Variants in PPARG observed in about 807,000 individuals in gnomAD.
PPARG encodes peroxisome proliferator-activated receptor gamma.
PPARG carries 17 observed loss-of-function variants against 39.2 expected under a neutral mutation model. The observed-to-expected ratio is 0.43, with a 90% CI of 0.30 to 0.65. PPARG has a LOEUF of 0.65. Ranked by LOEUF, PPARG falls within the 30% of genes least tolerant of loss-of-function variation. PPARG has a pLI of 0.13. For missense variants in PPARG, 406 were observed against 585.9 expected, an observed-to-expected ratio of 0.69 and a Z score of 3.17; for synonymous variants, 223 against 215.7, an observed-to-expected ratio of 1.03 and a Z score of -0.30.
At chr3:12,419,038 G>A (rs1192718408) in intron 7 of PPARG, among the ~76,000 whole-genome samples, 6 of 151,950 alleles carry the variant, frequency 3.9e-5, no homozygotes, top group African/African-American at 9.7e-5. Context: ...TCCACCTCCC[G>A]GGTTCAAGGG....
chr3:12,330,302 T>TAA (rs67976990), intron 2 of PPARG, among the ~76,000 whole-genome samples: 1,217 of 121,038 alleles, frequency 0.01, 10 homozygotes, highest in South Asian at 0.019. Flanking sequence ...CACCTTTTTT[T>TAA]AAAAAAAAAA....
intron 1 of PPARG, among the ~76,000 whole-genome samples, chr3:12,299,111 A>C (rs1230969760): frequency 6.6e-6 from 1 of 152,204 alleles, no homozygotes; most frequent in East Asian, 1.9e-4. Flanking sequence ...CTGGGATTAT[A>C]GGTGTGAGCC....
intron 2 of PPARG, among the ~76,000 whole-genome samples, chr3:12,325,133 A>G (rs1391618446): frequency 6.6e-6 from 1 of 152,012 alleles, no homozygotes; most frequent in African/African-American, 2.4e-5. Context: ...CTAAAAATAC[A>G]AAACATTGTC....
rs117066945 is a variant in PPARG at position 12,410,868 on chromosome 3, G to A, written c.729+4787G>A. ...AATCCTACACTTACAGCTAAACAAC[G>A]TATGGGTTCTTTTCCCTTTATCTCT... On this transcript the variant is annotated intron_variant, in intron 6 of 7. Coordinates refer to ENST00000651735, the MANE Select transcript of PPARG (RefSeq NM_138711.6). 3.0e-3 allele frequency among the ~76,000 whole-genome samples: 459 copies of A among 152,280 alleles called. 15 individuals are homozygous for A. In the East Asian group the frequency reaches 0.078, roughly 26 times the overall value.
intron 2 of PPARG, among the ~76,000 whole-genome samples, chr3:12,330,813 T>C (rs2047837499): frequency 6.6e-6 from 1 of 152,196 alleles, no homozygotes; most frequent in Non-Finnish European, 1.5e-5. Context: ...TTTCTCAGAA[T>C]GATGAGAAAT....
At chr3:12,295,180 C>G (rs2046748163) in intron 1 of PPARG, among the ~76,000 whole-genome samples, 1 of 152,166 alleles carries the variant, frequency 6.6e-6, no homozygotes, top group Non-Finnish European at 1.5e-5. Context: ...GAATGTTATC[C>G]TTTCCGTCAG....
intron 7 of PPARG, among the ~76,000 whole-genome samples, chr3:12,423,615 G>C (rs1432535049): frequency 1.3e-5 from 2 of 152,206 alleles, no homozygotes; most frequent in Non-Finnish European, 2.9e-5. Context: ...TCATCTGCTA[G>C]CATCTACATT....
At chr3:12,424,761 C>T (rs1203622192) in intron 7 of PPARG, among the ~76,000 whole-genome samples, 1 of 152,130 alleles carries the variant, frequency 6.6e-6, no homozygotes, top group Non-Finnish European at 1.5e-5. Flanking sequence ...CATTGCAAAG[C>T]CCTGGAATCA....
At chr3:12,386,062 C>T (rs976226858) in intron 4 of PPARG, among the ~76,000 whole-genome samples, 1 of 152,134 alleles carries the variant, frequency 6.6e-6, no homozygotes, top group Non-Finnish European at 1.5e-5. Context: ...CTCTAACACA[C>T]CACATCACAG....
At chr3:12,392,517 CTTTTCTGATT>C in intron 4 of PPARG, 87 bp from the exon 5 acceptor site, 1 of 1,428,974 alleles carries the variant, frequency 7.0e-7, no homozygotes, top group Middle Eastern at 1.7e-4. Context: ...AAGAACCTGC[CTTTTCTGATT>C]CCCAGGCCAG....
At chr3:12,306,543 T>G (rs1451949218) in intron 1 of PPARG, among the ~76,000 whole-genome samples, 1 of 152,216 alleles carries the variant, frequency 6.6e-6, no homozygotes, top group Non-Finnish European at 1.5e-5. Flanking sequence ...TGCAAGTATT[T>G]GGCCTTCCAG....
At chr3:12,366,022 C>T (rs1273143530) in intron 2 of PPARG, among the ~76,000 whole-genome samples, 1 of 152,074 alleles carries the variant, frequency 6.6e-6, no homozygotes, top group Non-Finnish European at 1.5e-5. Context: ...ACTGAGTCTT[C>T]CTATCCATGA....
At chr3:12,337,164 C>T (rs1254178474) in intron 2 of PPARG, among the ~76,000 whole-genome samples, 1 of 152,104 alleles carries the variant, frequency 6.6e-6, no homozygotes, top group Non-Finnish European at 1.5e-5. Context: ...TTAATTTGTG[C>T]CAACCAATAG....
intron 5 of PPARG, among the ~76,000 whole-genome samples, chr3:12,397,162 A>G (rs2050292661): frequency 6.6e-6 from 1 of 151,914 alleles, no homozygotes; most frequent in Admixed American, 6.6e-5. Flanking sequence ...TAAATGAGAG[A>G]GAGTTTGTAA....
chr3:12,324,543 A>G (rs1219517946), intron 2 of PPARG, among the ~76,000 whole-genome samples: 2 of 152,180 alleles, frequency 1.3e-5, no homozygotes, highest in Non-Finnish European at 1.5e-5. Flanking sequence ...TTCCCTCTTC[A>G]GGCCTCAGTT....
At chr3:12,362,392 C>T (rs889914535) in intron 2 of PPARG, among the ~76,000 whole-genome samples, 1 of 151,734 alleles carries the variant, frequency 6.6e-6, no homozygotes, top group Non-Finnish European at 1.5e-5. Context: ...GGTGGCATGC[C>T]CCTGTAATCC....
intron 7 of PPARG, among the ~76,000 whole-genome samples, chr3:12,426,154 C>T (rs1028215852): frequency 6.6e-6 from 1 of 152,064 alleles, no homozygotes; most frequent in South Asian, 2.1e-4. Context: ...ATGGTTATCC[C>T]GCTCCACCAT....
At chr3:12,306,627 A>G (rs567573116) in intron 1 of PPARG, among the ~76,000 whole-genome samples, 69 of 152,368 alleles carry the variant, frequency 4.5e-4, no homozygotes, top group Non-Finnish European at 8.5e-4. Context: ...ATACAGGTGT[A>G]ACCATATTCA....
chr3:12,358,222 A>C (rs945375328), intron 2 of PPARG, among the ~76,000 whole-genome samples: 2 of 152,216 alleles, frequency 1.3e-5, no homozygotes, highest in Non-Finnish European at 2.9e-5. Context: ...TTCTTCTGCA[A>C]ATCTACCCAC....
Sources: allele counts gnomAD v4.1 joint callset (sites outside exome capture counted in the v4.1 genomes callset), GRCh38; gene constraint gnomAD v4.1.1; transcripts MANE v1.5; gene names NCBI Gene and HGNC (gene_info 2026-07-23, HGNC 2026-07-21).